Variants in NFYB observed in about 807,000 individuals in gnomAD.
NFYB encodes the protein nuclear transcription factor Y subunit beta, also known as CAAT box DNA-binding protein subunit B.
Under a neutral mutation model 28.0 loss-of-function variants are expected in NFYB, and 13 were observed. That is an observed-to-expected ratio of 0.46 (90% CI 0.30 to 0.74). The LOEUF (loss-of-function observed/expected upper bound fraction) is 0.74. Among genes scored for constraint, NFYB ranks in the 30% least tolerant of loss-of-function variants. The pLI is 0.07. For synonymous variants in NFYB, 74 were observed against 75.0 expected (o/e 0.99, Z 0.07); for missense variants, 142 against 247.6 (o/e 0.57, Z 2.86).
chr12:104,131,469 C>A, intron 2 of NFYB: 1 of 259,834 alleles, frequency 3.8e-6, no homozygotes, highest in Non-Finnish European at 7.7e-6. Context: ...CTCTATCCTC[C>A]TTTAATCTTT....
chr12:104,132,138 T>C (rs555730586), intron 2 of NFYB, among the ~76,000 whole-genome samples: 2 of 152,338 alleles, frequency 1.3e-5, no homozygotes, highest in African/African-American at 4.8e-5. Flanking sequence ...TTTTGTTATG[T>C]GCTATGTGAG....
intron 4 of NFYB, among the ~76,000 whole-genome samples, chr12:104,125,782 A>AGGTT (rs1352762947): frequency 1.5e-5 from 2 of 134,078 alleles, no homozygotes; most frequent in Non-Finnish European, 3.1e-5. Flanking sequence ...TGGGAGGCGG[A>AGGTT]GGTTGCAGTG....
intron 5 of NFYB, among the ~76,000 whole-genome samples, chr12:104,122,624 TCTAA>T (rs891646639): frequency 9.9e-5 from 15 of 152,100 alleles, no homozygotes; most frequent in African/African-American, 3.4e-4. Flanking sequence ...CTTATGAGAA[TCTAA>T]CTAATGCCTG....
intron 4 of NFYB, 87 bp from the exon 5 acceptor site, chr12:104,123,510 C>T: frequency 1.0e-6 from 1 of 968,138 alleles, no homozygotes; most frequent in South Asian, 1.5e-5. Flanking sequence ...TTCAGAAGAA[C>T]ACATCTTCAC....
chr12:104,122,143 T>C (rs1055138405), intron 5 of NFYB, among the ~76,000 whole-genome samples: 1 of 152,236 alleles, frequency 6.6e-6, no homozygotes, highest in Non-Finnish European at 1.5e-5. Flanking sequence ...GTAACATTAA[T>C]GAGCACTGAA....
At chr12:104,129,310 A>C (rs559506684) in intron 2 of NFYB, among the ~76,000 whole-genome samples, 1 of 152,260 alleles carries the variant, frequency 6.6e-6, no homozygotes, top group African/African-American at 2.4e-5. Flanking sequence ...CTCTTAAAAA[A>C]AAAAATCAGC....
At chr12:104,135,554 G>A in intron 1 of NFYB, 22 bp from the exon 2 acceptor site, 2 of 1,024,804 alleles carry the variant, frequency 2.0e-6, no homozygotes, top group Non-Finnish European at 2.8e-6. Flanking sequence ...ACATCTATTA[G>A]GACCTAACAT....
Position 104,126,228 on chromosome 12 carries a change from C to T in NFYB, c.117G>A (p.Met39Ile). 1 of 1,593,938 alleles carries T rather than the reference C, an allele frequency of 6.3e-7. No individual in the cohort carries two copies. The highest frequency in any genetic ancestry group is 8.5e-7 in the Non-Finnish European group (1 of 1,172,116). ...IQPHDDTEDS[M>I]NDHEDTNGSK... The stretch of plus-strand genomic sequence containing the variant: ...AACCATTTGTGTCTTCATGATCATT[C>T]ATGCTGTCCTCAGTATCTAAAGAAA... Residue 39 changes from methionine to isoleucine, a missense_variant, in exon 4 of 8, where the codon ATG (methionine) becomes ATA (isoleucine). Met to Ile is a conservative substitution (Grantham distance 10). This residue lies in a region of NFYB where 54 missense variants were observed against 58.1 expected (regional missense o/e 0.93). Coordinates refer to ENST00000240055, the MANE Select transcript of NFYB (RefSeq NM_006166.4).
chr12:104,121,741 A>C (rs1236156205), intron 5 of NFYB, among the ~76,000 whole-genome samples: 1 of 152,166 alleles, frequency 6.6e-6, no homozygotes, highest in East Asian at 1.9e-4. Context: ...GAGAGTTAAA[A>C]ATTCCTAAAT....
Position 104,118,181 on chromosome 12 carries a change from T to C in NFYB, c.*1556A>G, listed in dbSNP as rs1253617153. 1 of 152,232 alleles carries C rather than the reference T, an allele frequency of 6.6e-6. No homozygotes were observed. Among genetic ancestry groups the C allele is most frequent in the African/African-American group, 2.4e-5 (1 of 41,466 alleles). The allele number at this position is 152,232 out of a possible 1,614,324, so 9.4% of individuals were successfully genotyped here. ...ATATGAGCCCATTTTTATAAAAATATACATATTTAGCAAAGTAAAAGGACA... is the reference window on the plus strand; with the variant it reads ...ATATGAGCCCATTTTTATAAAAATACACATATTTAGCAAAGTAAAAGGACA... On this transcript the variant is annotated 3_prime_UTR_variant, in exon 8 of 8. Coordinates refer to ENST00000240055, the MANE Select transcript of NFYB (RefSeq NM_006166.4).
At chr12:104,130,770 AT>A (rs1191479920) in intron 2 of NFYB, among the ~76,000 whole-genome samples, 1 of 151,610 alleles carries the variant, frequency 6.6e-6, no homozygotes, top group Admixed American at 6.6e-5. Flanking sequence ...GACATGATGG[AT>A]TTTTTTTTAC....
intron 5 of NFYB, among the ~76,000 whole-genome samples, chr12:104,122,296 T>G (rs1169259731): frequency 6.6e-6 from 1 of 152,252 alleles, no homozygotes; most frequent in African/African-American, 2.4e-5. Flanking sequence ...TTCAGCCTCC[T>G]GGTAGTCTGA....
chr12:104,126,858 G>A (rs185428814), intron 3 of NFYB, among the ~76,000 whole-genome samples: 35 of 152,254 alleles, frequency 2.3e-4, no homozygotes, highest in Admixed American at 1.5e-3. Context: ...TTTTAAAGTT[G>A]ATATAAAGTT....
chr12:104,134,780 A>G (rs892296541), intron 2 of NFYB, among the ~76,000 whole-genome samples: 2 of 152,186 alleles, frequency 1.3e-5, no homozygotes, highest in Non-Finnish European at 2.9e-5. Flanking sequence ...TTATTTAGGG[A>G]TCACTGAGTG....
At chr12:104,135,174 C>T (rs1004897586) in intron 2 of NFYB, among the ~76,000 whole-genome samples, 29 of 152,172 alleles carry the variant, frequency 1.9e-4, no homozygotes, top group Non-Finnish European at 5.9e-5. Flanking sequence ...CATAACTGTC[C>T]CCTAAGTATT....
In NFYB at chr12:104,119,735, G is replaced by T; in HGVS notation, c.*2C>A. ...CACTCCCCATTCCATCATTTCTTCA[G>T]ATCATGAAAACTGAATTTGCTGAAC... On this transcript the variant is annotated 3_prime_UTR_variant, in exon 8 of 8. Transcript: ENST00000240055. The T allele has an allele frequency of 1.9e-6, 3 of 1,601,176 alleles. No homozygotes were observed. Among genetic ancestry groups the T allele is most frequent in the Non-Finnish European group, 2.6e-6 (3 of 1,169,550 alleles).
chr12:104,130,609 C>T (rs976214495), intron 2 of NFYB, among the ~76,000 whole-genome samples: 1 of 152,188 alleles, frequency 6.6e-6, no homozygotes, highest in Non-Finnish European at 1.5e-5. Flanking sequence ...ATAAGCATCC[C>T]TGCCAATTAA....
At chr12:104,127,021 T>C (rs975164476) in intron 3 of NFYB, among the ~76,000 whole-genome samples, 2 of 152,204 alleles carry the variant, frequency 1.3e-5, no homozygotes, top group African/African-American at 4.8e-5. Context: ...ACTTTTCAAA[T>C]TATATAAATT....
chr12:104,124,457 G>T (rs2030604740), intron 4 of NFYB, among the ~76,000 whole-genome samples: 2 of 152,100 alleles, frequency 1.3e-5, no homozygotes, highest in South Asian at 4.1e-4. Context: ...GTCTTTCACC[G>T]CCATGCCTAT....
Sources: allele counts gnomAD v4.1 joint callset (sites outside exome capture counted in the v4.1 genomes callset), GRCh38; gene constraint gnomAD v4.1.1; regional missense constraint gnomAD v4.1.1; transcripts MANE v1.5; gene names NCBI Gene and HGNC (gene_info 2026-07-23, HGNC 2026-07-21).